The following NIPSNAP3B variants were observed in gnomAD, a reference collection of about 807,000 sequenced individuals.
NIPSNAP3B encodes protein NipSnap homolog 3B.
NIPSNAP3B carries 30 observed loss-of-function variants against 31.5 expected under a neutral mutation model. The observed-to-expected ratio is 0.95, with a 90% CI of 0.71 to 1.29. The LOEUF (loss-of-function observed/expected upper bound fraction) is 1.29. Ranked by LOEUF, NIPSNAP3B falls within the 50% of genes most tolerant of loss-of-function variation. The pLI is 0.00. For synonymous variants in NIPSNAP3B, 106 were observed against 107.9 expected (o/e 0.98, Z 0.11); for missense variants, 269 against 300.7 (o/e 0.89, Z 0.78).
downstream of NIPSNAP3B, among the ~76,000 whole-genome samples, chr9:104,779,116 C>T (rs1588172969): frequency 6.6e-6 from 1 of 152,154 alleles, no homozygotes; most frequent in Admixed American, 6.5e-5. Context: ...TGAAAGGCTG[C>T]TCCTGCTCTT....
chr9:104,785,561 T>C, the NIPSNAP3B span: 3 of 1,613,966 alleles, frequency 1.9e-6, no homozygotes, highest in Non-Finnish European at 1.7e-6. Flanking sequence ...GAAATGCAAG[T>C]CCAAAGAAAT....
At chr9:104,789,103 G>A in the NIPSNAP3B span, among the ~76,000 whole-genome samples, 1 of 152,190 alleles carries the variant, frequency 6.6e-6, no homozygotes, top group East Asian at 1.9e-4. Context: ...ACTGATGACT[G>A]CACCTCAGCC....
At chr9:104,790,849 A>C in the NIPSNAP3B span, 3 of 1,083,826 alleles carry the variant, frequency 2.8e-6, no homozygotes, top group African/African-American at 4.7e-5. Context: ...GTAATCAAAA[A>C]TAACAACCTA....
the NIPSNAP3B span, chr9:104,788,081 T>A: frequency 6.2e-7 from 1 of 1,611,664 alleles, no homozygotes; most frequent in African/African-American, 1.3e-5. Flanking sequence ...CACCTTGACT[T>A]TGGTCTGGCT....
chr9:104,771,877 C>G (rs1022745342), intron 4 of NIPSNAP3B, among the ~76,000 whole-genome samples: 2 of 152,100 alleles, frequency 1.3e-5, no homozygotes, highest in African/African-American at 4.8e-5. Context: ...TTTTCACAAC[C>G]TCACCAGCAT....
intron 1 of NIPSNAP3B, among the ~76,000 whole-genome samples, chr9:104,764,984 C>G (rs781376898): frequency 6.6e-6 from 1 of 152,174 alleles, no homozygotes; most frequent in Admixed American, 6.5e-5. Context: ...AGAAATACCT[C>G]ATTGGCCCAT....
chr9:104,775,511 T>C lies in NIPSNAP3B; in HGVS notation c.*2438T>C, dbSNP rs569746612. On this transcript the variant is annotated 3_prime_UTR_variant, in exon 6 of 6. Transcript: ENST00000374762. ...GGACTGAGTCCTTGGACCACTTCTC[T>C]TTTCTATTTATACTTACTCCCTGCG... is the stretch of plus-strand genomic sequence containing the variant. Among the ~76,000 whole-genome samples, 1 of 152,344 alleles carries C rather than the reference T, an allele frequency of 6.6e-6. No homozygotes were observed. Among genetic ancestry groups the C allele is most frequent in the South Asian group, 2.1e-4 (1 of 4,826 alleles).
At chr9:104,771,718 A>G (rs1368549125) in intron 4 of NIPSNAP3B, among the ~76,000 whole-genome samples, 1 of 152,176 alleles carries the variant, frequency 6.6e-6, no homozygotes, top group Admixed American at 6.5e-5. Context: ...TGGTAAAATG[A>G]TTTATATTTC....
In NIPSNAP3B at chr9:104,776,253, C is replaced by T. The variant is rs1828333506; in HGVS notation, c.*3180C>T. Among the ~76,000 whole-genome samples the T allele has an allele frequency of 6.6e-6, 1 of 152,184 alleles. No homozygotes were observed. Among genetic ancestry groups the T allele is most frequent in the Non-Finnish European group, 1.5e-5 (1 of 68,028 alleles). On this transcript the variant is annotated 3_prime_UTR_variant, in exon 6 of 6. Coordinates refer to ENST00000374762, the MANE Select transcript of NIPSNAP3B (RefSeq NM_018376.4). The stretch of plus-strand genomic sequence containing the variant: ...ATTCCCACTGCCTCTGCCTGGAATG[C>T]TCTTCCCCAGACATGCATCTGCGTG...
At position 104,773,156 on chromosome 9, in the gene NIPSNAP3B, C is replaced by G; in HGVS notation, c.*83C>G. On this transcript the variant is annotated 3_prime_UTR_variant, in exon 6 of 6. Transcript: ENST00000374762. ...TGCTTAAATTCTCCCAAGAGGTTCT[C>G]GCTTTTATTTGAAGGAGGTGGTAAG... is the stretch of plus-strand genomic sequence containing the variant. 1 of 1,378,224 alleles carries G rather than the reference C, an allele frequency of 7.3e-7. No individual in the cohort carries two copies. The highest frequency in any genetic ancestry group is 1.0e-6 in the Non-Finnish European group (1 of 984,854). 85.4% of individuals were successfully genotyped at this position (1,378,224 alleles called of 1,614,324 possible). A position where few individuals can be genotyped will look rare whatever the true frequency, so the allele number is the denominator to read the frequency against.
chr9:104,764,152 C>T lies in NIPSNAP3B; in HGVS notation c.-89C>T, dbSNP rs548733050. On this transcript the variant is annotated 5_prime_UTR_variant, in exon 1 of 6. Transcript: ENST00000374762. ...CCCCTGCCTGAGTTCGCCAGTGGTC[C>T]AGGAGCCGCTTTTTTCCACTCGGGA... The T allele has an allele frequency of 5.3e-6, 7 of 1,312,682 alleles. No individual in the cohort carries two copies. In the South Asian group the frequency reaches 7.8e-5, roughly 15 times the overall value. 81.3% of individuals were successfully genotyped at this position (1,312,682 alleles called of 1,614,324 possible). A position where few individuals can be genotyped will look rare whatever the true frequency, so the allele number is the denominator to read the frequency against.
At chr9:104,783,417 G>A in the NIPSNAP3B span, 2 of 152,170 alleles carry the variant, frequency 1.3e-5, no homozygotes, top group East Asian at 3.8e-4. Flanking sequence ...AGGACAAATG[G>A]GCACAGGCTT....
chr9:104,786,968 G>A, the NIPSNAP3B span: 1 of 1,613,570 alleles, frequency 6.2e-7, no homozygotes, highest in Non-Finnish European at 8.5e-7. Context: ...TGCCTGTGGT[G>A]GGTTCATCCT....
In NIPSNAP3B at chr9:104,777,649, C is replaced by T. The variant is rs1025806328; in HGVS notation, c.*4576C>T. Among the ~76,000 whole-genome samples the T allele has an allele frequency of 6.6e-6, 1 of 152,120 alleles. No homozygotes were observed. The highest frequency in any genetic ancestry group is 1.5e-5 in the Non-Finnish European group (1 of 68,028). ...TACAAGGCTCCTGCCAGAAGAAATG[C>T]CTGTAGGATTAAAAGCAAAACAGCA... On this transcript the variant is annotated 3_prime_UTR_variant, in exon 6 of 6. Transcript: ENST00000374762.
At chr9:104,788,321 T>C in the NIPSNAP3B span, 2 of 1,465,652 alleles carry the variant, frequency 1.4e-6, no homozygotes, top group South Asian at 1.1e-5. Context: ...TGCTGCTGCA[T>C]TCATGAGGAA....
the NIPSNAP3B span, chr9:104,788,325 T>A: frequency 1.3e-6 from 2 of 1,512,538 alleles, no homozygotes; most frequent in African/African-American, 2.8e-5. Context: ...GCTGCATTCA[T>A]GAGGAAAAAC....
chr9:104,766,265 TG>T, intron 1 of NIPSNAP3B, 59 bp from the exon 2 acceptor site: 1 of 1,425,744 alleles, frequency 7.0e-7, no homozygotes, highest in South Asian at 1.2e-5. Context: ...CAGATTTGGT[TG>T]TAACCAAATC....
At chr9:104,768,550 T>C (rs1483143946) in intron 2 of NIPSNAP3B, among the ~76,000 whole-genome samples, 1 of 152,246 alleles carries the variant, frequency 6.6e-6, no homozygotes, top group Non-Finnish European at 1.5e-5. Context: ...TACTATTTTC[T>C]TCACAGAATA....
chr9:104,784,200 C>T, the NIPSNAP3B span: 1 of 1,322,290 alleles, frequency 7.6e-7, no homozygotes, highest in East Asian at 2.3e-5. Flanking sequence ...AGTACAGTAT[C>T]CAGTTTACTT....
Sources: allele counts gnomAD v4.1 joint callset (sites outside exome capture counted in the v4.1 genomes callset), GRCh38; gene constraint gnomAD v4.1.1; transcripts MANE v1.5; gene names NCBI Gene and HGNC (gene_info 2026-07-23, HGNC 2026-07-21).